The following ANKRD6 variants were observed in gnomAD, a reference collection of about 807,000 sequenced individuals.
ANKRD6 encodes ankyrin repeat domain-containing protein 6.
A neutral mutation model predicts 82.3 loss-of-function variants in ANKRD6; 56 were observed. The ratio of observed to expected loss-of-function variants is 0.68; its 90% CI spans 0.55 to 0.85. The LOEUF (loss-of-function observed/expected upper bound fraction) is 0.85, where lower values mean the gene tolerates loss of function less well. ANKRD6 is among the 40% of genes least tolerant of loss of function. The probability of loss-of-function intolerance (pLI) is 0.00; values close to 1 mark genes in which losing one functional copy is unlikely to be tolerated. For synonymous variants in ANKRD6, 347 were observed against 352.1 expected, an observed-to-expected ratio of 0.99 and a Z score of 0.16; for missense variants, 852 against 907.6, an observed-to-expected ratio of 0.94 and a Z score of 0.79.
intron 1 of ANKRD6, among the ~76,000 whole-genome samples, chr6:89,446,488 AG>A (rs774694920): frequency 2.6e-5 from 4 of 152,254 alleles, no homozygotes; most frequent in Non-Finnish European, 4.4e-5. Flanking sequence ...TTAGTGAGGC[AG>A]GCATGTCAAA....
At chr6:89,609,881 T>A (rs1799780759) in intron 5 of ANKRD6, among the ~76,000 whole-genome samples, 1 of 152,174 alleles carries the variant, frequency 6.6e-6, no homozygotes, top group Admixed American at 6.5e-5. Flanking sequence ...AGGTGATGGA[T>A]TACAGGCGTG....
At chr6:89,449,180 T>C (rs545474010) in intron 1 of ANKRD6, among the ~76,000 whole-genome samples, 11 of 152,268 alleles carry the variant, frequency 7.2e-5, no homozygotes, top group African/African-American at 2.6e-4. Flanking sequence ...TCATGATTCA[T>C]GAGAGGAGGT....
intron 10 of ANKRD6, 77 bp from the exon 11 acceptor site, chr6:89,623,333 A>G: frequency 6.6e-7 from 1 of 1,508,172 alleles, no homozygotes. Context: ...GGAATCTTGC[A>G]AAGAATATTT....
chr6:89,616,925 CCA>C (rs1167258715), intron 8 of ANKRD6: 1 of 606,522 alleles, frequency 1.6e-6, no homozygotes, highest in South Asian at 1.5e-5. Flanking sequence ...TCAGGGATGT[CCA>C]GTTAAACTGA....
intron 7 of ANKRD6, 170 bp from the exon 8 acceptor site, chr6:89,616,389 C>G (rs762004449): frequency 2.3e-5 from 14 of 609,562 alleles, no homozygotes; most frequent in Non-Finnish European, 4.1e-5. Flanking sequence ...TCACTTAGTT[C>G]CAAGACCTCT....
intron 9 of ANKRD6, among the ~76,000 whole-genome samples, chr6:89,618,701 A>G (rs1013076506): frequency 1.3e-5 from 2 of 152,156 alleles, no homozygotes; most frequent in Non-Finnish European, 2.9e-5. Flanking sequence ...CAGACACATA[A>G]TTTTTACATA....
In ANKRD6 at chr6:89,542,811, C is replaced by T. The variant is rs1049881577; in HGVS notation, c.-143-24023C>T. Among the ~76,000 whole-genome samples the T allele has an allele frequency of 5.9e-5, 9 of 152,208 alleles. No individual in the cohort carries two copies. In the South Asian group the frequency reaches 1.0e-3, roughly 17 times the overall value. ...TAATTCAGTGCTAAATCACTTCACT[C>T]CACAATCTACTCATATGAGGGCAAA... On this transcript the variant is annotated intron_variant, in intron 1 of 15. Coordinates refer to ENST00000339746, the MANE Select transcript of ANKRD6 (RefSeq NM_001242809.2).
chr6:89,463,479 A>G (rs1203679522), intron 1 of ANKRD6, among the ~76,000 whole-genome samples: 3 of 152,200 alleles, frequency 2.0e-5, no homozygotes, highest in African/African-American at 7.2e-5. Flanking sequence ...AGATATGAAC[A>G]TTTTTTAAGG....
chr6:89,507,132 C>T (rs945657881), intron 1 of ANKRD6, among the ~76,000 whole-genome samples: 2 of 152,094 alleles, frequency 1.3e-5, no homozygotes, highest in Non-Finnish European at 2.9e-5. Flanking sequence ...GTAAAATAAA[C>T]AAAGTAGGCT....
intron 5 of ANKRD6, among the ~76,000 whole-genome samples, chr6:89,606,667 C>T (rs900930005): frequency 6.6e-6 from 1 of 152,124 alleles, no homozygotes. Context: ...ACCAGCCTGG[C>T]CAACATGGTG....
At chr6:89,583,044 G>T (rs1486110273) in intron 2 of ANKRD6, among the ~76,000 whole-genome samples, 1 of 152,186 alleles carries the variant, frequency 6.6e-6, no homozygotes, top group Non-Finnish European at 1.5e-5. Flanking sequence ...CTTAAATACT[G>T]ATGCCCAGGC....
chr6:89,590,691 C>T (rs961949425), intron 2 of ANKRD6, among the ~76,000 whole-genome samples: 11 of 152,178 alleles, frequency 7.2e-5, no homozygotes, highest in Non-Finnish European at 1.3e-4. Flanking sequence ...ACCCTTACCC[C>T]CAACACAACC....
At chr6:89,467,438 T>G (rs1339149084) in intron 1 of ANKRD6, among the ~76,000 whole-genome samples, 2 of 152,224 alleles carry the variant, frequency 1.3e-5, no homozygotes, top group Non-Finnish European at 2.9e-5. Flanking sequence ...TTGGGTGTTA[T>G]GAATCCCATT....
intron 1 of ANKRD6, among the ~76,000 whole-genome samples, chr6:89,502,776 ACTAT>A (rs1223277205): frequency 2.6e-5 from 4 of 152,236 alleles, no homozygotes; most frequent in Non-Finnish European, 4.4e-5. Flanking sequence ...AGTGGCAGGT[ACTAT>A]TCTAAGTGTT....
chr6:89,540,509 A>G (rs1000126123), intron 1 of ANKRD6, among the ~76,000 whole-genome samples: 2 of 152,074 alleles, frequency 1.3e-5, no homozygotes, highest in Non-Finnish European at 2.9e-5. Flanking sequence ...TGAGCTCCTT[A>G]TATATTCTTG....
chr6:89,547,205 G>C (rs911790506), intron 1 of ANKRD6, among the ~76,000 whole-genome samples: 2 of 151,950 alleles, frequency 1.3e-5, no homozygotes, highest in East Asian at 1.9e-4. Flanking sequence ...TTTGGGGGGG[G>C]GGTTACATAT....
chr6:89,447,270 G>A (rs1440945388), intron 1 of ANKRD6, among the ~76,000 whole-genome samples: 1 of 151,984 alleles, frequency 6.6e-6, no homozygotes, highest in African/African-American at 2.4e-5. Context: ...AAAGGGAGGG[G>A]GGCCACTCCA....
intron 1 of ANKRD6, among the ~76,000 whole-genome samples, chr6:89,447,428 G>C (rs569674315): frequency 1.3e-5 from 2 of 152,318 alleles, no homozygotes; most frequent in East Asian, 3.9e-4. Flanking sequence ...TCTATCAATT[G>C]TGTAAAGGCT....
intron 12 of ANKRD6, 116 bp from the exon 13 acceptor site, chr6:89,624,423 C>T: frequency 7.8e-7 from 1 of 1,290,300 alleles, no homozygotes. Context: ...AAGGATGAGC[C>T]TATCTCTTCC....
Sources: allele counts gnomAD v4.1 joint callset (sites outside exome capture counted in the v4.1 genomes callset), GRCh38; gene constraint gnomAD v4.1.1; transcripts MANE v1.5; gene names NCBI Gene and HGNC (gene_info 2026-07-23, HGNC 2026-07-21).